CCDC171: variants seen among roughly 807,000 people sequenced by gnomAD.
CCDC171 encodes the protein coiled-coil domain-containing protein 171.
Under a neutral mutation model 168.2 loss-of-function variants are expected in CCDC171, and 177 were observed. That is an observed-to-expected ratio of 1.05 (90% CI 0.93 to 1.19). CCDC171 has a LOEUF of 1.19. Among genes scored for constraint, CCDC171 ranks in the 50% most tolerant of loss-of-function variants. CCDC171 has a pLI of 0.00. For missense variants in CCDC171, 1,991 were observed against 1,539.0 expected, an observed-to-expected ratio of 1.29 and a Z score of -4.91; for synonymous variants, 687 against 540.8, an observed-to-expected ratio of 1.27 and a Z score of -3.75.
At chr9:16,064,232 C>T (rs533834626), downstream of CCDC171, among the ~76,000 whole-genome samples, 6 of 152,204 alleles carry the variant, frequency 3.9e-5, 1 homozygote, top group African/African-American at 1.4e-4. Context: ...GAAAGAAATC[C>T]CCAGTGAGGC....
chr9:15,863,923 G>A (rs1041351100), intron 23 of CCDC171, among the ~76,000 whole-genome samples: 12 of 152,124 alleles, frequency 7.9e-5, no homozygotes, highest in African/African-American at 2.4e-4. Flanking sequence ...GACAGATTGT[G>A]TAAAGTCTGA....
intron 25 of CCDC171, among the ~76,000 whole-genome samples, chr9:15,937,020 A>G (rs1039013671): frequency 2.0e-5 from 3 of 152,072 alleles, no homozygotes; most frequent in Non-Finnish European, 4.4e-5. Context: ...CACTTTATCA[A>G]GAACAAGGAA....
intron 6 of CCDC171, among the ~76,000 whole-genome samples, chr9:16,026,162 T>C (rs757224193): frequency 7.2e-5 from 11 of 152,072 alleles, no homozygotes; most frequent in Non-Finnish European, 1.2e-4. Context: ...ATCTCACCCC[T>C]CACAGAGGAA....
chr9:15,899,135 A>G (rs1328872166), intron 24 of CCDC171, among the ~76,000 whole-genome samples: 1 of 152,206 alleles, frequency 6.6e-6, no homozygotes, highest in East Asian at 1.9e-4. Context: ...AAGTTTTTGC[A>G]TATATCAATA....
intron 21 of CCDC171, among the ~76,000 whole-genome samples, chr9:15,823,530 T>C (rs2059884960): frequency 6.6e-6 from 1 of 152,112 alleles, no homozygotes; most frequent in African/African-American, 2.4e-5. Context: ...CACTTCATAT[T>C]ATTTTACTTA....
chr9:15,953,671 C>A (rs1254260966), intron 25 of CCDC171, among the ~76,000 whole-genome samples: 3 of 152,118 alleles, frequency 2.0e-5, no homozygotes, highest in African/African-American at 7.2e-5. Context: ...GCTTTAGTAA[C>A]AGGATAATGC....
intron 25 of CCDC171, among the ~76,000 whole-genome samples, chr9:15,941,770 T>C (rs1396498963): frequency 4.6e-5 from 7 of 151,976 alleles, no homozygotes; most frequent in East Asian, 1.9e-4. Flanking sequence ...CTCAATATTA[T>C]ATAAAAGAAG....
chr9:15,803,153 A>T (rs1321041628), intron 21 of CCDC171, among the ~76,000 whole-genome samples: 1 of 152,068 alleles, frequency 6.6e-6, no homozygotes, highest in Non-Finnish European at 1.5e-5. Context: ...TAAATGCTGG[A>T]TATTAGACCT....
At chr9:15,633,192 A>G (rs1041864644) in intron 7 of CCDC171, among the ~76,000 whole-genome samples, 5 of 152,228 alleles carry the variant, frequency 3.3e-5, no homozygotes, top group African/African-American at 4.8e-5. Flanking sequence ...TAAACTAAAG[A>G]GCTCCTACAC....
At position 15,777,689 on chromosome 9, in the gene CCDC171, G is replaced by C; in HGVS notation, c.2761G>C (p.Glu921Gln). ...KLMDKISLVM[E>Q]CIPLHSSRSI... ...CATGGATAAAATTAGTCTGGTAATGGAATGTATACCTCTGCACAGTAGCAG... is the reference window on the plus strand; with the variant it reads ...CATGGATAAAATTAGTCTGGTAATGCAATGTATACCTCTGCACAGTAGCAG... The change falls in exon 19 of 26, where the codon GAA becomes CAA. Residue 921 changes from glutamate to glutamine, a missense_variant. Glu to Gln is a conservative substitution (Grantham distance 29). Coordinates refer to ENST00000380701, the MANE Select transcript of CCDC171 (RefSeq NM_173550.4). The C allele has an allele frequency of 6.2e-7, 1 of 1,613,862 alleles. No homozygotes were observed. Among genetic ancestry groups the C allele is most frequent in the Non-Finnish European group, 8.5e-7 (1 of 1,179,840 alleles).
chr9:15,743,431 C>T (rs2055036524), intron 16 of CCDC171, among the ~76,000 whole-genome samples: 1 of 152,012 alleles, frequency 6.6e-6, no homozygotes, highest in Non-Finnish European at 1.5e-5. Flanking sequence ...CTCAGCCTCC[C>T]AAACACTGGG....
the CCDC171 span, among the ~76,000 whole-genome samples, chr9:16,087,389 A>G: frequency 6.6e-6 from 1 of 152,084 alleles, no homozygotes; most frequent in Non-Finnish European, 1.5e-5. Context: ...GTCTCTAAGA[A>G]CTTGCTTTAT....
At chr9:16,054,963 T>G (rs557470850) in intron 1 of CCDC171, among the ~76,000 whole-genome samples, 6 of 152,202 alleles carry the variant, frequency 3.9e-5, no homozygotes, top group African/African-American at 9.6e-5. Context: ...ACGAAGCCCC[T>G]CGGGGCAAGG....
chr9:15,630,552 C>T (rs2045590298), intron 7 of CCDC171, among the ~76,000 whole-genome samples: 1 of 152,172 alleles, frequency 6.6e-6, no homozygotes, highest in South Asian at 2.1e-4. Context: ...TACAAAGAGA[C>T]TTAGACTCCC....
chr9:16,005,135 G>T (rs985083745), intron 3 of CCDC171, among the ~76,000 whole-genome samples: 1 of 152,032 alleles, frequency 6.6e-6, no homozygotes, highest in African/African-American at 2.4e-5. Flanking sequence ...TTATCAACCC[G>T]AAAAGAAATC....
chr9:15,965,516 T>A (rs1393109546), intron 25 of CCDC171, among the ~76,000 whole-genome samples: 10 of 152,242 alleles, frequency 6.6e-5, no homozygotes. Flanking sequence ...TGAGCCCTAG[T>A]CTCTTCAACT....
chr9:16,031,972 C>G (rs896401812), intron 6 of CCDC171, among the ~76,000 whole-genome samples: 1 of 152,170 alleles, frequency 6.6e-6, no homozygotes, highest in African/African-American at 2.4e-5. Flanking sequence ...CAGGGGAGCA[C>G]GGCCAGTGCT....
chr9:15,966,068 T>A (rs1486680633), intron 25 of CCDC171, among the ~76,000 whole-genome samples: 5 of 152,208 alleles, frequency 3.3e-5, no homozygotes, highest in African/African-American at 9.6e-5. Flanking sequence ...GGGTACAAAG[T>A]CATGATTCCA....
At chr9:15,865,541 A>G (rs1471827803) in intron 23 of CCDC171, among the ~76,000 whole-genome samples, 2 of 151,980 alleles carry the variant, frequency 1.3e-5, no homozygotes, top group East Asian at 3.9e-4. Flanking sequence ...CCTATTCAAC[A>G]TGAAGAATAT....
Sources: allele counts gnomAD v4.1 joint callset (sites outside exome capture counted in the v4.1 genomes callset), GRCh38; gene constraint gnomAD v4.1.1; transcripts MANE v1.5; gene names NCBI Gene and HGNC (gene_info 2026-07-23, HGNC 2026-07-21).